Variants in WAPL observed in about 807,000 individuals in gnomAD.
The protein encoded by WAPL is WAPL cohesin release factor.
In WAPL, 5 loss-of-function variants were observed where a neutral mutation model predicts 121.0. The observed-to-expected ratio is 0.04, with a 90% CI of 0.02 to 0.09. The LOEUF (loss-of-function observed/expected upper bound fraction) is 0.09, where lower values mean the gene tolerates loss of function less well. Ranked by LOEUF, WAPL falls within the 10% of genes least tolerant of loss-of-function variation. WAPL has a pLI of 1.00. For missense variants in WAPL, 999 were observed against 1,410.8 expected (o/e 0.71, Z 4.68); for synonymous variants, 480 against 481.5 (o/e 1.00, Z 0.04).
intron 15 of WAPL, among the ~76,000 whole-genome samples, chr10:86,450,296 T>C (rs1254484059): frequency 6.6e-6 from 1 of 152,164 alleles, no homozygotes; most frequent in Non-Finnish European, 1.5e-5. Context: ...AGCACAGTAC[T>C]GTAATCACGG....
intron 4 of WAPL, among the ~76,000 whole-genome samples, chr10:86,482,321 T>C (rs1346322431): frequency 6.6e-6 from 1 of 152,236 alleles, no homozygotes; most frequent in Non-Finnish European, 1.5e-5. Context: ...GAATTCATGA[T>C]TTCTAGATCA....
Position 86,453,349 on chromosome 10 carries a change from T to C in WAPL, c.2834-14A>G. 6.2e-7 allele frequency: 1 copy of C among 1,612,066 alleles called. No homozygotes were observed. The highest frequency in any genetic ancestry group is 1.1e-5 in the South Asian group (1 of 90,870). On this transcript the variant is annotated splice_polypyrimidine_tract_variant and intron_variant, in intron 13 of 18. Transcript: ENST00000298767. Reference sequence around the variant, plus strand: ...TGCTGCCCCACTCTGAAATAAGAAATGGATACAGGAAAATGGTTACTGATT... The same window carrying C: ...TGCTGCCCCACTCTGAAATAAGAAACGGATACAGGAAAATGGTTACTGATT...
intron 9 of WAPL, among the ~76,000 whole-genome samples, chr10:86,461,550 A>G (rs2132182536): frequency 6.6e-6 from 1 of 152,330 alleles, no homozygotes; most frequent in South Asian, 2.1e-4. Flanking sequence ...TTTCTACAGT[A>G]TACAGGTCAA....
chr10:86,446,387 T>G lies in WAPL; in HGVS notation c.3177A>C (p.Lys1059Asn). The G allele has an allele frequency of 6.2e-7, 1 of 1,614,200 alleles. No homozygotes were observed. The highest frequency in any genetic ancestry group is 8.5e-7 in the Non-Finnish European group (1 of 1,180,036). The change falls in exon 16 of 19, where the codon AAA (lysine) becomes AAC (asparagine). Residue 1059 changes from lysine to asparagine, a missense_variant. Transcript: ENST00000298767. ...LAESKTDELI[K>N]DAPTTQHDKS... ...TATCATGCTGAGTGGTGGGAGCATCTTTGATCAACTCATCTGTTTTACTTT... is the reference window on the plus strand; with the variant it reads ...TATCATGCTGAGTGGTGGGAGCATCGTTGATCAACTCATCTGTTTTACTTT...
At chr10:86,476,626 T>C (rs1564574371) in intron 4 of WAPL, among the ~76,000 whole-genome samples, 1 of 149,996 alleles carries the variant, frequency 6.7e-6, no homozygotes, top group African/African-American at 2.5e-5. Context: ...GAGGTGGAGG[T>C]TGCAGTGAGC....
intron 2 of WAPL, among the ~76,000 whole-genome samples, chr10:86,514,769 T>C (rs907713511): frequency 2.0e-5 from 3 of 152,182 alleles, no homozygotes; most frequent in Non-Finnish European, 4.4e-5. Context: ...CCACATTCCT[T>C]TTCCCCCTTA....
rs757791357 is a variant in WAPL at position 86,437,570 on chromosome 10, T to C, written c.3546A>G (p.Arg1182=). The part of the protein sequence containing the change: ...VGTTGQKSIS[R]VIEYLEHC Reference sequence around the variant, plus strand: ...AGCAATGTTCCAAATATTCAATCACTCTAGAGATAGATTTCTGGCCAGTTG... The same window carrying C: ...AGCAATGTTCCAAATATTCAATCACCCTAGAGATAGATTTCTGGCCAGTTG... Residue 1182 remains arginine (R), a synonymous_variant, in exon 19 of 19, where the codon AGA becomes AGG. Transcript: ENST00000298767. The C allele has an allele frequency of 2.5e-6, 4 of 1,614,046 alleles. No homozygotes were observed. The highest frequency in any genetic ancestry group is 3.4e-6 in the Non-Finnish European group (4 of 1,180,008).
At chr10:86,483,655 G>A (rs908380565) in intron 4 of WAPL, among the ~76,000 whole-genome samples, 4 of 151,452 alleles carry the variant, frequency 2.6e-5, no homozygotes, top group Admixed American at 6.6e-5. Flanking sequence ...ACAGCTCCAC[G>A]TATGTTAGTG....
In WAPL at chr10:86,437,021, A is replaced by G. The variant is rs1849340556; in HGVS notation, c.*522T>C. ...CAACAACCAAAAAATTCACAAAATT[A>G]TTAAAAGCTTTATTTACGATTGGAA... On this transcript the variant is annotated 3_prime_UTR_variant, in exon 19 of 19. Transcript: ENST00000298767. 6.5e-6 allele frequency: 1 copy of G among 152,800 alleles called. No homozygotes were observed. Among genetic ancestry groups the G allele is most frequent in the Non-Finnish European group, 1.5e-5 (1 of 68,130 alleles). The allele number at this position is 152,800 out of a possible 1,614,324, so 9.5% of individuals were successfully genotyped here.
At chr10:86,448,514 G>A (rs541412135) in intron 15 of WAPL, among the ~76,000 whole-genome samples, 70 of 152,230 alleles carry the variant, frequency 4.6e-4, no homozygotes, top group Non-Finnish European at 9.0e-4. Context: ...ATGAACCTAC[G>A]TGTTGACATG....
chr10:86,512,958 A>C (rs1388121764), intron 2 of WAPL, among the ~76,000 whole-genome samples: 17 of 152,054 alleles, frequency 1.1e-4, no homozygotes, highest in Admixed American at 1.1e-3. Context: ...TCCCTGCAGT[A>C]CCTATTCAGT....
At chr10:86,468,305 T>TC in intron 8 of WAPL, among the ~76,000 whole-genome samples, 1 of 151,622 alleles carries the variant, frequency 6.6e-6, no homozygotes, top group Non-Finnish European at 1.5e-5. Context: ...CAAGCAATCC[T>TC]CCCCACCTCA....
intron 15 of WAPL, among the ~76,000 whole-genome samples, chr10:86,447,046 G>C (rs140163704): frequency 6.6e-6 from 1 of 152,110 alleles, no homozygotes; most frequent in Non-Finnish European, 1.5e-5. Context: ...GAATCCCTAC[G>C]GATCCTTAAG....
At position 86,446,313 on chromosome 10, in the gene WAPL, G is replaced by T. The variant is rs1327434537; in HGVS notation, c.3251C>A (p.Thr1084Asn). ...ETSGEIQWVS[T>N]EKTDGTEEKH... ...CTCTTCTGTACCATCAGTCTTTTCAGTTGACACCCACTGTATTTCTCCACT... is the reference window on the plus strand; with the variant it reads ...CTCTTCTGTACCATCAGTCTTTTCATTTGACACCCACTGTATTTCTCCACT... Residue 1084 changes from threonine (T) to asparagine (N), a missense_variant, in exon 16 of 19, where the codon ACT (threonine) becomes AAT (asparagine). By Grantham distance (65) the Thr-to-Asn change is moderately conservative. Coordinates refer to ENST00000298767, the MANE Select transcript of WAPL (RefSeq NM_015045.5). The T allele has an allele frequency of 6.2e-7, 1 of 1,613,908 alleles. No homozygotes were observed. The highest frequency in any genetic ancestry group is 8.5e-7 in the Non-Finnish European group (1 of 1,180,024).
chr10:86,472,362 G>T lies in WAPL; in HGVS notation c.1894-18C>A. ...GTATATAACTGCCAAGAAAAAAAAA[G>T]TTCACCCCTTTTTAACTAGGAACTA... On this transcript the variant is annotated intron_variant, in intron 6 of 18. Transcript: ENST00000298767. This position sits in a 1 kb window ranked among gnomAD's most constrained non-coding sequence, Gnocchi z 4.2. 6.3e-7 allele frequency: 1 copy of T among 1,585,880 alleles called. No homozygotes were observed. The highest frequency in any genetic ancestry group is 8.5e-7 in the Non-Finnish European group (1 of 1,173,474).
At chr10:86,521,241 G>A (rs771967948) in intron 1 of WAPL, 124 bp downstream of exon 1, 16 of 236,444 alleles carry the variant, frequency 6.8e-5, no homozygotes, top group Non-Finnish European at 1.2e-4. Context: ...TCATTCCCCT[G>A]CCCAACTTCC....
intron 4 of WAPL, among the ~76,000 whole-genome samples, chr10:86,486,306 G>A (rs1841930366): frequency 6.6e-6 from 1 of 152,212 alleles, no homozygotes; most frequent in Non-Finnish European, 1.5e-5. Context: ...AGGAACATTT[G>A]TTCTTGGGTG....
chr10:86,498,320 T>C (rs905234999), intron 3 of WAPL, among the ~76,000 whole-genome samples: 5 of 152,212 alleles, frequency 3.3e-5, no homozygotes, highest in Non-Finnish European at 7.3e-5. Flanking sequence ...AGCCAGATCT[T>C]AAGTGACTAT....
At chr10:86,443,633 A>C (rs4934209) in intron 16 of WAPL, 1 of 380,888 alleles carries the variant, frequency 2.6e-6, no homozygotes, top group Non-Finnish European at 4.8e-6. Flanking sequence ...CAGAATGAGA[A>C]AATATATTTG....
Sources: allele counts gnomAD v4.1 joint callset (sites outside exome capture counted in the v4.1 genomes callset), GRCh38; gene constraint gnomAD v4.1.1; non-coding constraint Gnocchi (gnomAD v3.1); transcripts MANE v1.5; gene names NCBI Gene and HGNC (gene_info 2026-07-23, HGNC 2026-07-21).